The following STX11 variants were observed in gnomAD, a reference collection of about 807,000 sequenced individuals.
The protein encoded by STX11 is syntaxin-11.
In STX11, 21 loss-of-function variants were observed where a neutral mutation model predicts 19.9. The ratio of observed to expected loss-of-function variants is 1.06; its 90% CI spans 0.75 to 1.52. STX11 has a LOEUF of 1.52. STX11 is among the 40% of genes most tolerant of loss of function. STX11 has a pLI of 0.00. For synonymous variants in STX11, 193 were observed against 174.4 expected (o/e 1.11, Z -0.84); for missense variants, 438 against 405.9 (o/e 1.08, Z -0.68).
At chr6:144,150,849 G>T (rs550836785) in intron 1 of STX11, 146 bp downstream of exon 1, 42 of 536,954 alleles carry the variant, frequency 7.8e-5, no homozygotes, top group African/African-American at 4.7e-4. Context: ...TGGATCTGGC[G>T]CAGGTCCTCA....
intron 1 of STX11, among the ~76,000 whole-genome samples, chr6:144,156,291 C>T (rs188025646): frequency 1.3e-4 from 20 of 152,092 alleles, no homozygotes; most frequent in Admixed American, 1.3e-3. Context: ...CTCCAACTCC[C>T]TACCTCAGGC....
chr6:144,150,401 G>C (rs568360933), upstream of STX11: 24 of 792,796 alleles, frequency 3.0e-5, no homozygotes, highest in African/African-American at 2.0e-4. Context: ...GGTGGGGCGG[G>C]AACCCGCGCT....
At position 144,172,762 on chromosome 6, in the gene STX11, A is replaced by C. The variant is rs1190145341; in HGVS notation, c.-5-13861A>C. Among the ~76,000 whole-genome samples the C allele has an allele frequency of 1.3e-5, 2 of 152,172 alleles. No individual in the cohort carries two copies. Among genetic ancestry groups the C allele is most frequent in the Non-Finnish European group, 2.9e-5 (2 of 68,036 alleles). ...GATCTAGATACAGTTCAGACTCCTC[A>C]GAGATAGCTCTTCTTATGCTGATCC... On this transcript the variant is annotated intron_variant, in intron 1 of 1. Transcript: ENST00000367568. The surrounding 1 kb of genome is among the most constrained non-coding windows in gnomAD (Gnocchi z 4.2).
chr6:144,173,092 A>G lies in STX11; in HGVS notation c.-5-13531A>G, dbSNP rs189017219. The stretch of plus-strand genomic sequence containing the variant: ...CCCTCTGAAACTCTTCTTTTCCCAC[A>G]ACAAATGGCTTATTTTTGCTCCTAA... On this transcript the variant is annotated intron_variant, in intron 1 of 1. Coordinates refer to ENST00000367568, the MANE Select transcript of STX11 (RefSeq NM_003764.4). Among the ~76,000 whole-genome samples the G allele has an allele frequency of 1.2e-4, 19 of 152,296 alleles. No individual in the cohort carries two copies. In the East Asian group the frequency reaches 3.7e-3, roughly 29 times the overall value.
chr6:144,167,700 C>A lies in STX11; in HGVS notation c.-6+16997C>A, dbSNP rs1468830356. 6.6e-6 allele frequency among the ~76,000 whole-genome samples: 1 copy of A among 152,164 alleles called. No homozygotes were observed. The highest frequency in any genetic ancestry group is 2.4e-5 in the African/African-American group (1 of 41,422). On this transcript the variant is annotated intron_variant, in intron 1 of 1. Coordinates refer to ENST00000367568, the MANE Select transcript of STX11 (RefSeq NM_003764.4). This position sits in a 1 kb window ranked among gnomAD's most constrained non-coding sequence, Gnocchi z 5.0. ...GTGGCACGATCACAGCTCACTGAAGCCTTAACCTCCTGGGCTCAGGTGATC... is the reference window on the plus strand; with the variant it reads ...GTGGCACGATCACAGCTCACTGAAGACTTAACCTCCTGGGCTCAGGTGATC...
rs1425569407 is a variant in STX11, at chr6:144,155,940, A to ATCTATCTTTCTTTCTTTCTT, written c.-6+5240_-6+5241insATCTTTCTTTCTTTCTTTCT. Among the ~76,000 whole-genome samples, 1 of 119,844 alleles carries ATCTATCTTTCTTTCTTTCTT rather than the reference A, an allele frequency of 8.3e-6. No homozygotes were observed. Among genetic ancestry groups the ATCTATCTTTCTTTCTTTCTT allele is most frequent in the Admixed American group, 8.8e-5 (1 of 11,404 alleles). The allele number at this position is 119,844 out of a possible 152,430, so 78.6% of individuals were successfully genotyped here. On this transcript the variant is annotated intron_variant, in intron 1 of 1. Coordinates refer to ENST00000367568, the MANE Select transcript of STX11 (RefSeq NM_003764.4). The surrounding 1 kb of genome is among the most constrained non-coding windows in gnomAD (Gnocchi z 4.5). ...CTAATTAAATGTGTTTTAAAATTTA[A>ATCTATCTTTCTTTCTTTCTT]TCTTTCTTTCTTTCTTTCTTTCTTT...
rs1307843293 is a variant in STX11, at chr6:144,175,813, T to C, written c.-5-10810T>C. Among the ~76,000 whole-genome samples the C allele has an allele frequency of 2.0e-5, 3 of 152,040 alleles. No individual in the cohort carries two copies. Among genetic ancestry groups the C allele is most frequent in the Non-Finnish European group, 4.4e-5 (3 of 67,996 alleles). Reference sequence around the variant, plus strand: ...CTTACCCACCTGACTTCCACACCCGTGGAGAAATAAGAAAGGAAAAGCAGT... The same window carrying C: ...CTTACCCACCTGACTTCCACACCCGCGGAGAAATAAGAAAGGAAAAGCAGT... On this transcript the variant is annotated intron_variant, in intron 1 of 1. Coordinates refer to ENST00000367568, the MANE Select transcript of STX11 (RefSeq NM_003764.4). The surrounding 1 kb of genome is among the most constrained non-coding windows in gnomAD (Gnocchi z 5.1).
Position 144,187,430 on chromosome 6 carries a change from A to C in STX11, c.803A>C (p.Gln268Pro). Reference sequence around the variant, plus strand: ...AAGGCGCAGGTGCGGAAGGCCGTGCAGTACGAGGAGAAGAACCCCTGCCGG... The same window carrying C: ...AAGGCGCAGGTGCGGAAGGCCGTGCCGTACGAGGAGAAGAACCCCTGCCGG... ...QAKAQVRKAV[Q>P]YEEKNPCRTL... Residue 268 changes from glutamine (Q) to proline (P), a missense_variant, in exon 2 of 2, where the codon CAG (glutamine) becomes CCG (proline). Gln to Pro is a moderately conservative substitution (Grantham distance 76). Transcript: ENST00000367568. The surrounding 1 kb of genome is among the most constrained non-coding windows in gnomAD (Gnocchi z 5.6). 1 of 1,612,034 alleles carries C rather than the reference A, an allele frequency of 6.2e-7. No homozygotes were observed. The highest frequency in any genetic ancestry group is 8.5e-7 in the Non-Finnish European group (1 of 1,179,978).
intron 1 of STX11, 106 bp downstream of exon 1, chr6:144,150,809 G>C: frequency 3.4e-6 from 3 of 878,896 alleles, no homozygotes; most frequent in Non-Finnish European, 4.1e-6. Flanking sequence ...TCTAGGCTCG[G>C]GACCCGCGGC....
upstream of STX11, among the ~76,000 whole-genome samples, chr6:144,148,655 G>A (rs987900207): frequency 1.3e-5 from 2 of 152,060 alleles, no homozygotes; most frequent in African/African-American, 4.8e-5. Context: ...TTTTCCCCAA[G>A]TCCTTTTTCT....
chr6:144,144,533 A>G, the STX11 span, among the ~76,000 whole-genome samples: 1 of 152,248 alleles, frequency 6.6e-6, no homozygotes, highest in African/African-American at 2.4e-5. Flanking sequence ...TGTCCAATAT[A>G]GAAGCCAAAT....
rs1048855037 is a variant in STX11 at position 144,165,332 on chromosome 6, G to A, written c.-6+14629G>A. 5.3e-5 allele frequency among the ~76,000 whole-genome samples: 8 copies of A among 152,020 alleles called. No homozygotes were observed. The highest frequency in any genetic ancestry group is 8.8e-5 in the Non-Finnish European group (6 of 68,004). On this transcript the variant is annotated intron_variant, in intron 1 of 1. Transcript: ENST00000367568. The surrounding 1 kb of genome is among the most constrained non-coding windows in gnomAD (Gnocchi z 5.8). ...TAGCGGGGCGTGGTGGTGCATGTCT[G>A]TAATCCCAGCTACTCGGGAGACTGA...
rs1801000626 is a variant in STX11 at position 144,151,315 on chromosome 6, C to G, written c.-6+612C>G. The G allele has an allele frequency of 1.0e-6, 1 of 985,332 alleles. No individual in the cohort carries two copies. Among genetic ancestry groups the G allele is most frequent in the African/African-American group, 1.7e-5 (1 of 57,252 alleles). 61.0% of individuals were successfully genotyped at this position (985,332 alleles called of 1,614,324 possible). A position where few individuals can be genotyped will look rare whatever the true frequency, so the allele number is the denominator to read the frequency against. ...GAATTCTGCCTTTTTCTAGACTCCGCTGACACCAGCTGAGATCTGTATTAC... is the reference window on the plus strand; with the variant it reads ...GAATTCTGCCTTTTTCTAGACTCCGGTGACACCAGCTGAGATCTGTATTAC... On this transcript the variant is annotated intron_variant, in intron 1 of 1. Transcript: ENST00000367568. The surrounding 1 kb of genome is among the most constrained non-coding windows in gnomAD (Gnocchi z 4.6).
chr6:144,188,022 A>G lies in STX11; in HGVS notation c.*531A>G, dbSNP rs1192842940. ...TACGCTATGCAATTCCTCCCCAAATATAGATCTTATTTCTGCTCATTTCCC... is the reference window on the plus strand; with the variant it reads ...TACGCTATGCAATTCCTCCCCAAATGTAGATCTTATTTCTGCTCATTTCCC... On this transcript the variant is annotated 3_prime_UTR_variant, in exon 2 of 2. Coordinates refer to ENST00000367568, the MANE Select transcript of STX11 (RefSeq NM_003764.4). The G allele has an allele frequency of 2.0e-5, 5 of 248,848 alleles. No homozygotes were observed. In the East Asian group the frequency reaches 3.1e-4, roughly 15 times the overall value. The allele number at this position is 248,848 out of a possible 1,614,324, so 15.4% of individuals were successfully genotyped here.
In STX11 at chr6:144,162,885, A is replaced by G. The variant is rs1175664273; in HGVS notation, c.-6+12182A>G. Among the ~76,000 whole-genome samples the G allele has an allele frequency of 6.6e-6, 1 of 152,244 alleles. No individual in the cohort carries two copies. Among genetic ancestry groups the G allele is most frequent in the Non-Finnish European group, 1.5e-5 (1 of 68,036 alleles). On this transcript the variant is annotated intron_variant, in intron 1 of 1. Transcript: ENST00000367568. This position sits in a 1 kb window ranked among gnomAD's most constrained non-coding sequence, Gnocchi z 4.6. Reference sequence around the variant, plus strand: ...CAACATGAGTGACAACATAAGTATTATCTAAGAAAATACCTGCATTTGTTG... The same window carrying G: ...CAACATGAGTGACAACATAAGTATTGTCTAAGAAAATACCTGCATTTGTTG...
rs916606361 is a variant in STX11 at position 144,153,454 on chromosome 6, C to T, written c.-6+2751C>T. Among the ~76,000 whole-genome samples the T allele has an allele frequency of 6.6e-6, 1 of 152,082 alleles. No individual in the cohort carries two copies. The highest frequency in any genetic ancestry group is 1.5e-5 in the Non-Finnish European group (1 of 68,026). On this transcript the variant is annotated intron_variant, in intron 1 of 1. Transcript: ENST00000367568. The surrounding 1 kb of genome is among the most constrained non-coding windows in gnomAD (Gnocchi z 5.0). ...CATAGAGAAGTGAAACAGCACTGGA[C>T]GTTCAGGAAACTCCAGCCTGTTTAG...
Position 144,187,101 on chromosome 6 carries a change from G to C in STX11, c.474G>C (p.Lys158Asn), listed in dbSNP as rs1328183637. 6.2e-7 allele frequency: 1 copy of C among 1,613,878 alleles called. No individual in the cohort carries two copies. The highest frequency in any genetic ancestry group is 8.5e-7 in the Non-Finnish European group (1 of 1,180,016). ...AGATGAAGCAGCGCGACAACTGCAA[G>C]ATCCGCATCCAGCGCCAGCTGGAGA... ...QAEMKQRDNC[K>N]IRIQRQLEIM... is the part of the protein sequence containing the mutation. Residue 158 changes from lysine to asparagine, a missense_variant, in exon 2 of 2, where the codon AAG becomes AAC. Coordinates refer to ENST00000367568, the MANE Select transcript of STX11 (RefSeq NM_003764.4). This position sits in a 1 kb window ranked among gnomAD's most constrained non-coding sequence, Gnocchi z 5.6.
In STX11 at chr6:144,175,742, A is replaced by G. The variant is rs2128752955; in HGVS notation, c.-5-10881A>G. ...CTCACCTTCTTTGATTTTACTTAAC[A>G]TGGTGGTTGGGTTGATTAAGGAAGG... is the stretch of plus-strand genomic sequence containing the variant. On this transcript the variant is annotated intron_variant, in intron 1 of 1. Coordinates refer to ENST00000367568, the MANE Select transcript of STX11 (RefSeq NM_003764.4). This position sits in a 1 kb window ranked among gnomAD's most constrained non-coding sequence, Gnocchi z 5.1. Among the ~76,000 whole-genome samples the G allele has an allele frequency of 6.6e-6, 1 of 152,310 alleles. No individual in the cohort carries two copies.
chr6:144,183,021 T>C lies in STX11; in HGVS notation c.-5-3602T>C, dbSNP rs938027672. On this transcript the variant is annotated intron_variant, in intron 1 of 1. Transcript: ENST00000367568. This position sits in a 1 kb window ranked among gnomAD's most constrained non-coding sequence, Gnocchi z 4.6. ...TAACTTGATTGCCATGCATAGACTT[T>C]TAAAAGTTGCTAAGGAGTTAGTCCT... is the stretch of plus-strand genomic sequence containing the variant. Among the ~76,000 whole-genome samples, 1 of 152,256 alleles carries C rather than the reference T, an allele frequency of 6.6e-6. No homozygotes were observed. Among genetic ancestry groups the C allele is most frequent in the African/African-American group, 2.4e-5 (1 of 41,468 alleles).
Sources: allele counts gnomAD v4.1 joint callset (sites outside exome capture counted in the v4.1 genomes callset), GRCh38; gene constraint gnomAD v4.1.1; non-coding constraint Gnocchi (gnomAD v3.1); transcripts MANE v1.5; gene names NCBI Gene and HGNC (gene_info 2026-07-23, HGNC 2026-07-21).